CDIN1: variants seen among roughly 807,000 people sequenced by gnomAD.
The protein encoded by CDIN1 is CDAN1 interacting nuclease 1.
In CDIN1, 33 loss-of-function variants were observed where a neutral mutation model predicts 45.3. That is an observed-to-expected ratio of 0.73 (90% CI 0.55 to 0.97). CDIN1 has a LOEUF of 0.97. CDIN1 is among the 50% of genes least tolerant of loss of function. The pLI is 0.00. For synonymous variants in CDIN1, 118 were observed against 124.4 expected, an observed-to-expected ratio of 0.95 and a Z score of 0.34; for missense variants, 303 against 339.4, an observed-to-expected ratio of 0.89 and a Z score of 0.84.
At chr15:36,747,829 C>A (rs2044498314) in intron 10 of CDIN1, among the ~76,000 whole-genome samples, 1 of 152,100 alleles carries the variant, frequency 6.6e-6, no homozygotes, top group Admixed American at 6.6e-5. Context: ...TATTATCAGA[C>A]CCCCGAGCCA....
chr15:36,796,521 C>G (rs2054804575), intron 10 of CDIN1, among the ~76,000 whole-genome samples: 1 of 152,212 alleles, frequency 6.6e-6, no homozygotes, highest in Non-Finnish European at 1.5e-5. Context: ...TTCCACCACA[C>G]AGACCCTCAG....
intron 1 of CDIN1, chr15:36,617,210 G>T (rs2038937375): frequency 3.5e-6 from 3 of 866,434 alleles, no homozygotes; most frequent in African/African-American, 3.3e-5. Flanking sequence ...AGAACTGAAA[G>T]CTCTTGGCAT....
intron 1 of CDIN1, chr15:36,613,753 T>C: frequency 6.3e-7 from 1 of 1,599,002 alleles, no homozygotes; most frequent in Non-Finnish European, 8.5e-7. Context: ...TGAAGGTTTT[T>C]GAAAACCGGG....
At chr15:36,729,877 T>C (rs16963949) in intron 10 of CDIN1, among the ~76,000 whole-genome samples, 21,377 of 152,218 alleles carry the variant, frequency 0.14, 1,627 homozygotes, top group East Asian at 0.29. Flanking sequence ...AAACTAATGC[T>C]ATCTGAAGTA....
intron 1 of CDIN1, among the ~76,000 whole-genome samples, chr15:36,631,124 CATAACCTGGA>C: frequency 6.6e-6 from 1 of 152,132 alleles, no homozygotes; most frequent in Middle Eastern, 3.2e-3. Context: ...AGAAATGATA[CATAACCTGGA>C]AAAATAATCC....
chr15:36,586,381 A>G (rs1400715234), intron 1 of CDIN1, among the ~76,000 whole-genome samples: 1 of 152,042 alleles, frequency 6.6e-6, no homozygotes, highest in Non-Finnish European at 1.5e-5. Flanking sequence ...CTTAATAGTG[A>G]TTCTCTATTT....
At chr15:36,679,612 G>A (rs1230838441) in intron 5 of CDIN1, among the ~76,000 whole-genome samples, 1 of 152,142 alleles carries the variant, frequency 6.6e-6, no homozygotes, top group Non-Finnish European at 1.5e-5. Flanking sequence ...TTTCAAGGAA[G>A]ACATATTTTT....
chr15:36,781,079 GATAA>G (rs1235840348), intron 10 of CDIN1, among the ~76,000 whole-genome samples: 1 of 152,082 alleles, frequency 6.6e-6, no homozygotes, highest in East Asian at 1.9e-4. Flanking sequence ...ATAATTACAA[GATAA>G]ATAAACAAAT....
chr15:36,633,425 C>CA (rs1396690119), intron 1 of CDIN1, among the ~76,000 whole-genome samples: 4 of 151,962 alleles, frequency 2.6e-5, no homozygotes, highest in African/African-American at 9.7e-5. Context: ...TATATATTCA[C>CA]AAAAAATAGG....
chr15:36,721,399 A>T (rs2043411779), intron 10 of CDIN1, among the ~76,000 whole-genome samples: 1 of 152,108 alleles, frequency 6.6e-6, no homozygotes, highest in Admixed American at 6.6e-5. Flanking sequence ...ATTTGGTTCC[A>T]CATACTTTCT....
At chr15:36,703,850 G>C (rs760747990) in intron 8 of CDIN1, among the ~76,000 whole-genome samples, 1 of 152,088 alleles carries the variant, frequency 6.6e-6, no homozygotes, top group Non-Finnish European at 1.5e-5. Context: ...AGTGACTACA[G>C]CTAAAAAGAA....
chr15:36,737,162 G>T (rs1271302862), intron 10 of CDIN1, among the ~76,000 whole-genome samples: 4 of 144,982 alleles, frequency 2.8e-5, no homozygotes, highest in Admixed American at 2.7e-4. Context: ...AGTGAGACCC[G>T]GTCTCAAAAA....
Position 36,579,703 on chromosome 15 carries a change from C to A in CDIN1, c.-158C>A. The A allele has an allele frequency of 1.7e-6, 1 of 589,062 alleles. No homozygotes were observed. Among genetic ancestry groups the A allele is most frequent in the Non-Finnish European group, 3.0e-6 (1 of 337,586 alleles). 36.5% of individuals were successfully genotyped at this position (589,062 alleles called of 1,614,324 possible). Reference sequence around the variant, plus strand: ...CGGGCGAGTCTCCGCCCCGCTTTTGCAGCTAGGGGTGTGTTTCAGGGGGGA... The same window carrying A: ...CGGGCGAGTCTCCGCCCCGCTTTTGAAGCTAGGGGTGTGTTTCAGGGGGGA... On this transcript the variant is annotated 5_prime_UTR_variant, in exon 1 of 11. Coordinates refer to ENST00000566621, the MANE Select transcript of CDIN1 (RefSeq NM_001321759.2).
intron 4 of CDIN1, among the ~76,000 whole-genome samples, chr15:36,654,745 CAAAT>C (rs1317292727): frequency 2.6e-5 from 4 of 152,148 alleles, no homozygotes; most frequent in African/African-American, 4.8e-5. Flanking sequence ...TTTGGGGAAA[CAAAT>C]AACAGCCTTA....
At chr15:36,744,887 A>T (rs942711264) in intron 10 of CDIN1, among the ~76,000 whole-genome samples, 3 of 152,184 alleles carry the variant, frequency 2.0e-5, no homozygotes, top group Non-Finnish European at 4.4e-5. Context: ...ATGGCCATTG[A>T]CCTGAATACT....
intron 10 of CDIN1, among the ~76,000 whole-genome samples, chr15:36,782,903 A>T (rs1164149054): frequency 1.3e-5 from 2 of 152,208 alleles, no homozygotes; most frequent in African/African-American, 4.8e-5. Context: ...GAGTTCTGCC[A>T]GCCAGACATG....
chr15:36,606,899 G>T (rs912008061), intron 1 of CDIN1, among the ~76,000 whole-genome samples: 3 of 152,136 alleles, frequency 2.0e-5, no homozygotes, highest in Non-Finnish European at 4.4e-5. Flanking sequence ...ACTCTAGTAA[G>T]GTTGCCACCT....
intron 10 of CDIN1, among the ~76,000 whole-genome samples, chr15:36,773,074 T>TG (rs1378015871): frequency 6.8e-6 from 1 of 147,498 alleles, no homozygotes; most frequent in East Asian, 2.0e-4. Flanking sequence ...TTGTGGGGGG[T>TG]GGGGGGAGGT....
rs780494427 is a variant in CDIN1 at position 36,712,260 on chromosome 15, C to CTTTT, written c.716+2319_716+2322dup. Among the ~76,000 whole-genome samples, 389 of 77,390 alleles carry CTTTT rather than the reference C, an allele frequency of 5.0e-3. 14 individuals carry two copies. The highest frequency in any genetic ancestry group is 0.016 in the Middle Eastern group (1 of 64). 50.8% of individuals were successfully genotyped at this position (77,390 alleles called of 152,430 possible). A position where few individuals can be genotyped will look rare whatever the true frequency, so the allele number is the denominator to read the frequency against. The stretch of plus-strand genomic sequence containing the variant: ...TTCAATTACTATTTATAGACTAATG[C>CTTTT]TTTTTTTTTTTTTTTTTTTTTTTGA... On this transcript the variant is annotated intron_variant, in intron 10 of 10. Coordinates refer to ENST00000566621, the MANE Select transcript of CDIN1 (RefSeq NM_001321759.2).
Sources: allele counts gnomAD v4.1 joint callset (sites outside exome capture counted in the v4.1 genomes callset), GRCh38; gene constraint gnomAD v4.1.1; transcripts MANE v1.5; gene names NCBI Gene and HGNC (gene_info 2026-07-23, HGNC 2026-07-21).